PTK2: variants seen among roughly 807,000 people sequenced by gnomAD.
PTK2 encodes the protein protein tyrosine kinase 2.
In PTK2, 45 loss-of-function variants were observed where a neutral mutation model predicts 150.1. The observed-to-expected ratio is 0.30, with a 90% CI of 0.24 to 0.38. The LOEUF is 0.38. Among genes scored for constraint, PTK2 ranks in the 10% least tolerant of loss-of-function variants. The pLI, the probability that PTK2 is intolerant of heterozygous loss-of-function variation, is 1.00. For missense variants in PTK2, 919 were observed against 1,307.3 expected (o/e 0.70, Z 4.58); for synonymous variants, 432 against 449.2 (o/e 0.96, Z 0.48).
At chr8:140,738,687 A>G (rs1392176826) in intron 21 of PTK2, among the ~76,000 whole-genome samples, 1 of 152,224 alleles carries the variant, frequency 6.6e-6, no homozygotes, top group African/African-American at 2.4e-5. Flanking sequence ...AACGAATGAG[A>G]TGGCAAAGGG....
exon 9 of PTK2, chr8:140,818,946 C>A (rs757915853): frequency 6.2e-7 from 1 of 1,613,420 alleles, no homozygotes; most frequent in East Asian, 2.2e-5. Context: ...CAAAGAATTT[C>A]AGAATACTTT....
At position 140,930,346 on chromosome 8, in the gene PTK2, T is replaced by C. The variant is rs552798289; in HGVS notation, c.-121-4597A>G. Reference sequence around the variant, plus strand: ...TAAATTGCAAGGATTTCAAGATAAATAGATACTTTAAAACTCCTTTATCTT... The same window carrying C: ...TAAATTGCAAGGATTTCAAGATAAACAGATACTTTAAAACTCCTTTATCTT... On this transcript the variant is annotated intron_variant, in intron 1 of 31. Coordinates refer to ENST00000522684, the Ensembl canonical transcript of PTK2. Among the ~76,000 whole-genome samples the C allele has an allele frequency of 7.9e-5, 12 of 152,302 alleles. No homozygotes were observed. In the South Asian group the frequency reaches 2.1e-3, roughly 26 times the overall value.
chr8:140,969,411 T>C (rs1282777586), intron 1 of PTK2, among the ~76,000 whole-genome samples: 1 of 152,136 alleles, frequency 6.6e-6, no homozygotes, highest in Non-Finnish European at 1.5e-5. Flanking sequence ...CTATCACTAA[T>C]TATCTTCCCT....
intron 1 of PTK2, among the ~76,000 whole-genome samples, chr8:140,934,805 C>T (rs774426697): frequency 5.9e-5 from 9 of 152,170 alleles, no homozygotes; most frequent in Non-Finnish European, 1.2e-4. Context: ...AGACTTATTC[C>T]TATTTTCTGC....
intron 5 of PTK2, among the ~76,000 whole-genome samples, chr8:140,853,460 GAT>G (rs1281837678): frequency 6.7e-6 from 1 of 150,230 alleles, no homozygotes; most frequent in South Asian, 2.1e-4. Flanking sequence ...CTGTCCTTGT[GAT>G]AGTTTGCTGA....
intron 24 of PTK2, among the ~76,000 whole-genome samples, chr8:140,703,847 T>C (rs183209463): frequency 3.3e-5 from 5 of 152,328 alleles, no homozygotes; most frequent in Admixed American, 6.5e-5. Flanking sequence ...CACACCTCAT[T>C]AGGCTAGTGT....
chr8:140,939,904 T>C (rs573245537), intron 1 of PTK2, among the ~76,000 whole-genome samples: 39 of 152,324 alleles, frequency 2.6e-4, no homozygotes, highest in African/African-American at 9.4e-4. Context: ...CATCAAAATC[T>C]AGGCGAAGTG....
exon 9 of PTK2, chr8:140,818,920 A>T: frequency 6.2e-7 from 1 of 1,613,638 alleles, no homozygotes; most frequent in Non-Finnish European, 8.5e-7. Context: ...AAATCTGTAG[A>T]CTGGAGACAG....
chr8:140,924,715 C>A (rs2100168821), intron 2 of PTK2, among the ~76,000 whole-genome samples: 1 of 152,078 alleles, frequency 6.6e-6, no homozygotes, highest in Non-Finnish European at 1.5e-5. Context: ...ACTTTGCTTT[C>A]TCAAGAATAT....
intron 1 of PTK2, among the ~76,000 whole-genome samples, chr8:140,971,200 T>G (rs149612518): frequency 2.0e-5 from 3 of 152,342 alleles, no homozygotes; most frequent in African/African-American, 7.2e-5. Flanking sequence ...TGCATGATAA[T>G]AACTGGTGAT....
At chr8:140,992,429 C>A (rs1254750027) in intron 1 of PTK2, among the ~76,000 whole-genome samples, 1 of 152,048 alleles carries the variant, frequency 6.6e-6, no homozygotes, top group Non-Finnish European at 1.5e-5. Flanking sequence ...GAGAAAGTGC[C>A]ACTGCACTCC....
chr8:140,961,353 A>G (rs2154609385), intron 1 of PTK2, among the ~76,000 whole-genome samples: 1 of 152,218 alleles, frequency 6.6e-6, no homozygotes, highest in Middle Eastern at 3.4e-3. Context: ...TCCAAATGCA[A>G]AGTTTCCTTT....
At chr8:140,918,156 AG>A (rs1327604158) in intron 2 of PTK2, among the ~76,000 whole-genome samples, 1 of 152,192 alleles carries the variant, frequency 6.6e-6, no homozygotes, top group Non-Finnish European at 1.5e-5. Context: ...TGATGGTTCT[AG>A]GAAGGTGCAA....
rs186779315 is a variant in PTK2 at position 140,805,387 on chromosome 8, C to T, written c.868-1737G>A. Among the ~76,000 whole-genome samples, 687 of 151,932 alleles carry T rather than the reference C, an allele frequency of 4.5e-3. 4 individuals carry two copies. Among genetic ancestry groups the T allele is most frequent in the African/African-American group, 0.016 (648 of 41,440 alleles). On this transcript the variant is annotated intron_variant, in intron 10 of 31. Transcript: ENST00000522684. ...CACCCTGGCCAACATGGTGAAACCCCGTCACTACTAAAAATACAAAAATTA... is the reference window on the plus strand; with the variant it reads ...CACCCTGGCCAACATGGTGAAACCCTGTCACTACTAAAAATACAAAAATTA...
At chr8:140,752,206 T>G in intron 17 of PTK2, 26 bp downstream of exon 20, 3 of 1,569,296 alleles carry the variant, frequency 1.9e-6, no homozygotes, top group Non-Finnish European at 2.6e-6. Flanking sequence ...TCAAATGGAG[T>G]TCCACAGAAA....
chr8:140,935,602 A>T (rs1056415411), intron 1 of PTK2, among the ~76,000 whole-genome samples: 1 of 151,600 alleles, frequency 6.6e-6, no homozygotes, highest in Non-Finnish European at 1.5e-5. Flanking sequence ...GCTTGCAAAG[A>T]CCTCTATCTG....
chr8:140,670,488 A>ACACAC (rs751260741), intron 29 of PTK2, among the ~76,000 whole-genome samples: 9 of 38,966 alleles, frequency 2.3e-4, no homozygotes, highest in African/African-American at 5.3e-4. Context: ...AAAAAACAAC[A>ACACAC]ACACACACAC....
rs891967364 is a variant in PTK2, at chr8:140,780,849, A to G, written c.1177+8625T>C. Among the ~76,000 whole-genome samples, 10 of 152,330 alleles carry G rather than the reference A, an allele frequency of 6.6e-5. No homozygotes were observed. The South Asian group carries it at 2.1e-3, about 32-fold the overall frequency. On this transcript the variant is annotated intron_variant, in intron 14 of 31. Coordinates refer to ENST00000522684, the Ensembl canonical transcript of PTK2. ...TGTGTGTATGTAAGTGGACAGAGGC[A>G]GAGGTGAAATAAAATTGGCCAGAAG...
At chr8:140,871,135 A>C (rs2100142253) in intron 4 of PTK2, among the ~76,000 whole-genome samples, 1 of 152,230 alleles carries the variant, frequency 6.6e-6, no homozygotes, top group Admixed American at 6.5e-5. Flanking sequence ...TTTGAAGTCT[A>C]AACTATTTCC....
Sources: allele counts gnomAD v4.1 joint callset (sites outside exome capture counted in the v4.1 genomes callset), GRCh38; gene constraint gnomAD v4.1.1; transcripts MANE v1.5; gene names NCBI Gene and HGNC (gene_info 2026-07-23, HGNC 2026-07-21).